Variants in PHF20 observed in about 807,000 individuals in gnomAD.
PHF20 encodes the protein glioma-expressed antigen 2.
In PHF20, 23 loss-of-function variants were observed where a neutral mutation model predicts 113.5. The ratio of observed to expected loss-of-function variants is 0.20; its 90% CI spans 0.15 to 0.29. The LOEUF is 0.29. Ranked by LOEUF, PHF20 falls within the 10% of genes least tolerant of loss-of-function variation. PHF20 has a pLI of 1.00. For synonymous variants in PHF20, 434 were observed against 457.3 expected, an observed-to-expected ratio of 0.95 and a Z score of 0.65; for missense variants, 943 against 1,219.6, an observed-to-expected ratio of 0.77 and a Z score of 3.38.
chr20:35,805,636 C>A (rs939678961), intron 2 of PHF20, among the ~76,000 whole-genome samples: 1 of 151,174 alleles, frequency 6.6e-6, no homozygotes, highest in African/African-American at 2.4e-5. Flanking sequence ...CCCAGCCACA[C>A]GCCTGATTAA....
chr20:35,933,578 T>C (rs547899517), intron 15 of PHF20, among the ~76,000 whole-genome samples: 47 of 152,268 alleles, frequency 3.1e-4, no homozygotes, highest in Admixed American at 2.7e-3. Context: ...TTTGTATTTT[T>C]AGTAGATACA....
At chr20:35,868,547 A>G (rs1267073969) in intron 6 of PHF20, among the ~76,000 whole-genome samples, 2 of 152,090 alleles carry the variant, frequency 1.3e-5, no homozygotes, top group African/African-American at 2.4e-5. Context: ...CAGAGGTAGC[A>G]GTGAGCCGAG....
chr20:35,849,963 G>C (rs2042690148), intron 4 of PHF20, among the ~76,000 whole-genome samples: 1 of 152,220 alleles, frequency 6.6e-6, no homozygotes, highest in Admixed American at 6.6e-5. Flanking sequence ...GAGTGTGGAA[G>C]TGGCAGCTGC....
chr20:35,832,048 C>G (rs2042365565), intron 2 of PHF20, among the ~76,000 whole-genome samples: 1 of 152,162 alleles, frequency 6.6e-6, no homozygotes, highest in Admixed American at 6.5e-5. Flanking sequence ...TTGTTGTTTC[C>G]TCTATCCCCT....
At chr20:35,936,842 G>T (rs1008904956) in intron 15 of PHF20, among the ~76,000 whole-genome samples, 1 of 152,172 alleles carries the variant, frequency 6.6e-6, no homozygotes, top group Admixed American at 6.6e-5. Flanking sequence ...ATGAAACTCA[G>T]TGTTTGATGG....
intron 9 of PHF20, among the ~76,000 whole-genome samples, chr20:35,892,224 A>ATTTTTTTTTTTTT (rs780490898): frequency 1.6e-4 from 16 of 102,518 alleles, no homozygotes; most frequent in South Asian, 3.5e-4. Context: ...CGCCTGGCTG[A>ATTTTTTTTTTTTT]TTTTTTTTTT....
intron 1 of PHF20, among the ~76,000 whole-genome samples, chr20:35,781,681 A>G (rs1465567604): frequency 6.6e-6 from 1 of 151,978 alleles, no homozygotes; most frequent in Non-Finnish European, 1.5e-5. Flanking sequence ...CCAGTGGCTC[A>G]TGCCTGTAAT....
chr20:35,814,886 A>AT (rs201392541), intron 2 of PHF20, among the ~76,000 whole-genome samples: 14 of 146,142 alleles, frequency 9.6e-5, no homozygotes, highest in South Asian at 4.2e-4. Flanking sequence ...AAAAAAAAAA[A>AT]AAAATAAAAT....
intron 1 of PHF20, among the ~76,000 whole-genome samples, chr20:35,784,465 C>G (rs1438900711): frequency 1.9e-5 from 2 of 104,820 alleles, no homozygotes; most frequent in Non-Finnish European, 3.6e-5. Flanking sequence ...GAGATGGAGT[C>G]TCACTGTGTC....
At chr20:35,887,968 T>G (rs546562462) in intron 9 of PHF20, among the ~76,000 whole-genome samples, 49 of 151,610 alleles carry the variant, frequency 3.2e-4, no homozygotes, top group African/African-American at 1.1e-3. Flanking sequence ...AAACACTGCT[T>G]AGGGTTACCT....
At position 35,871,786 on chromosome 20, in the gene PHF20, G is replaced by C; in HGVS notation, c.1239G>C (p.Pro413=). Residue 413 remains proline, a synonymous_variant, in exon 9 of 18, where the codon CCG becomes CCC. Transcript: ENST00000374012. ...GAGAAAACACGATGAAAACAGAACCGACTTCTCCCCTTGTGGAATTACAAG... is the reference window on the plus strand; with the variant it reads ...GAGAAAACACGATGAAAACAGAACCCACTTCTCCCCTTGTGGAATTACAAG... ...SMGENTMKTE[P]TSPLVELQEI... 3 of 1,612,338 alleles carry C rather than the reference G, an allele frequency of 1.9e-6. No homozygotes were observed. The highest frequency in any genetic ancestry group is 1.3e-5 in the African/African-American group (1 of 74,876).
At chr20:35,844,098 A>G (rs1354958041) in intron 3 of PHF20, among the ~76,000 whole-genome samples, 1 of 151,490 alleles carries the variant, frequency 6.6e-6, no homozygotes, top group East Asian at 2.0e-4. Context: ...GTAGCTCAAG[A>G]GCCGTTTTTT....
intron 15 of PHF20, among the ~76,000 whole-genome samples, chr20:35,931,743 G>C (rs1260266377): frequency 6.6e-6 from 1 of 152,062 alleles, no homozygotes; most frequent in Non-Finnish European, 1.5e-5. Context: ...ATGAGGTAAG[G>C]AGTTCGAGAC....
At chr20:35,810,191 A>G (rs944715043) in intron 2 of PHF20, among the ~76,000 whole-genome samples, 3 of 152,088 alleles carry the variant, frequency 2.0e-5, no homozygotes, top group Admixed American at 2.0e-4. Flanking sequence ...CCGCCTCCCA[A>G]AGTGCTGGGA....
chr20:35,933,105 CTT>C (rs112208395), intron 15 of PHF20, among the ~76,000 whole-genome samples: 10 of 144,270 alleles, frequency 6.9e-5, no homozygotes, highest in Non-Finnish European at 6.1e-5. Flanking sequence ...CTAAATATTC[CTT>C]TTTTTTTTTT....
At chr20:35,814,136 T>C (rs905999964) in intron 2 of PHF20, among the ~76,000 whole-genome samples, 3 of 152,084 alleles carry the variant, frequency 2.0e-5, no homozygotes, top group African/African-American at 7.2e-5. Flanking sequence ...TGCTAGGATG[T>C]CATTGTCTTA....
intron 10 of PHF20, among the ~76,000 whole-genome samples, chr20:35,905,721 T>G (rs1279205765): frequency 6.6e-6 from 1 of 152,164 alleles, no homozygotes; most frequent in Non-Finnish European, 1.5e-5. Flanking sequence ...AGATAGGAAT[T>G]GGACCAGAAG....
intron 12 of PHF20, 47 bp downstream of exon 12, chr20:35,914,244 A>C: frequency 6.4e-7 from 1 of 1,573,458 alleles, no homozygotes; most frequent in South Asian, 1.1e-5. Context: ...ATTTATTGGA[A>C]AATACAAGCA....
intron 10 of PHF20, among the ~76,000 whole-genome samples, chr20:35,903,440 C>T (rs1244658908): frequency 6.6e-6 from 1 of 152,112 alleles, no homozygotes; most frequent in African/African-American, 2.4e-5. Context: ...ATGTGCCACA[C>T]AGACCACTCA....
Sources: allele counts gnomAD v4.1 joint callset (sites outside exome capture counted in the v4.1 genomes callset), GRCh38; gene constraint gnomAD v4.1.1; transcripts MANE v1.5; gene names NCBI Gene and HGNC (gene_info 2026-07-23, HGNC 2026-07-21).